MAST2: variants seen among roughly 807,000 people sequenced by gnomAD.
The protein encoded by MAST2 is microtubule-associated serine/threonine-protein kinase 2.
Under a neutral mutation model 147.4 loss-of-function variants are expected in MAST2, and 70 were observed. The observed-to-expected ratio is 0.47, with a 90% CI of 0.39 to 0.58. The LOEUF is 0.58. MAST2 is among the 20% of genes least tolerant of loss of function. The probability of loss-of-function intolerance (pLI) is 0.00; values close to 1 mark genes in which losing one functional copy is unlikely to be tolerated. For missense variants in MAST2, 2,080 were observed against 2,302.3 expected, an observed-to-expected ratio of 0.90 and a Z score of 1.98; for synonymous variants, 869 against 896.8, an observed-to-expected ratio of 0.97 and a Z score of 0.55.
At chr1:45,961,619 C>A (rs1018756988) in intron 5 of MAST2, among the ~76,000 whole-genome samples, 6 of 152,094 alleles carry the variant, frequency 3.9e-5, no homozygotes, top group Non-Finnish European at 8.8e-5. Context: ...TATCTCTTAG[C>A]AAATCACTGC....
chr1:45,921,550 C>T (rs1475286796), intron 4 of MAST2, among the ~76,000 whole-genome samples: 1 of 152,190 alleles, frequency 6.6e-6, no homozygotes, highest in Non-Finnish European at 1.5e-5. Flanking sequence ...CGCAGTCAGG[C>T]ATGCCAACTG....
intron 3 of MAST2, among the ~76,000 whole-genome samples, chr1:45,861,255 G>A (rs892187940): frequency 3.3e-5 from 5 of 152,010 alleles, no homozygotes; most frequent in African/African-American, 1.2e-4. Context: ...GTAAAACTTT[G>A]CCTTTGCATT....
intron 5 of MAST2, among the ~76,000 whole-genome samples, chr1:45,972,545 A>G (rs1643957397): frequency 6.6e-6 from 1 of 152,254 alleles, no homozygotes. Flanking sequence ...CCTTACAGCC[A>G]GTAATCCATC....
chr1:45,937,271 T>C (rs979721263), intron 4 of MAST2, among the ~76,000 whole-genome samples: 3 of 151,778 alleles, frequency 2.0e-5, no homozygotes, highest in Middle Eastern at 3.2e-3. Context: ...ATTTTCATTT[T>C]AAAATTTTAT....
chr1:45,908,584 G>T (rs1426013164), intron 4 of MAST2, among the ~76,000 whole-genome samples: 2 of 152,198 alleles, frequency 1.3e-5, no homozygotes, highest in East Asian at 1.9e-4. Flanking sequence ...AATATTGGAA[G>T]ATTTTATATT....
intron 4 of MAST2, among the ~76,000 whole-genome samples, chr1:45,901,566 C>T (rs948907297): frequency 3.9e-5 from 6 of 152,098 alleles, no homozygotes; most frequent in African/African-American, 1.4e-4. Context: ...ATTAAAATTG[C>T]TTTGGGCAGT....
chr1:45,844,486 G>A (rs1487134828), intron 3 of MAST2, among the ~76,000 whole-genome samples: 1 of 152,072 alleles, frequency 6.6e-6, no homozygotes, highest in Non-Finnish European at 1.5e-5. Context: ...GTTTCACCAT[G>A]TTGGCCAGGC....
intron 3 of MAST2, among the ~76,000 whole-genome samples, chr1:45,863,135 G>T (rs989883159): frequency 4.6e-5 from 7 of 152,010 alleles, no homozygotes; most frequent in African/African-American, 7.2e-5. Flanking sequence ...TTTGAATTTT[G>T]AATCTTTTGT....
At chr1:45,859,936 C>G (rs61783218) in intron 3 of MAST2, among the ~76,000 whole-genome samples, 56 of 152,172 alleles carry the variant, frequency 3.7e-4, no homozygotes, top group African/African-American at 1.3e-3. Context: ...GCTGAATGTT[C>G]TAGTCGGAAG....
intron 11 of MAST2, 26 bp downstream of exon 11, chr1:46,019,723 T>C (rs1449230807): frequency 1.3e-6 from 2 of 1,597,152 alleles, no homozygotes; most frequent in South Asian, 1.1e-5. Context: ...GAAAGTCAGG[T>C]GGGCAGATTT....
At chr1:45,920,994 TTTTG>T (rs908630468) in intron 4 of MAST2, among the ~76,000 whole-genome samples, 2 of 152,054 alleles carry the variant, frequency 1.3e-5, no homozygotes, top group Admixed American at 6.6e-5. Context: ...CTGTGGTGTT[TTTTG>T]TTTGTTTGTT....
At chr1:45,931,841 A>T (rs1451152541) in intron 4 of MAST2, among the ~76,000 whole-genome samples, 2 of 151,958 alleles carry the variant, frequency 1.3e-5, no homozygotes, top group Non-Finnish European at 2.9e-5. Flanking sequence ...GGCATACACT[A>T]CCATGCCTGG....
In MAST2 at chr1:45,924,993, C is replaced by G. The variant is rs147274162; in HGVS notation, c.501-34393C>G. 2.0e-5 allele frequency among the ~76,000 whole-genome samples: 3 copies of G among 152,284 alleles called. No homozygotes were observed. In the East Asian group the frequency reaches 5.8e-4, roughly 29 times the overall value. The stretch of plus-strand genomic sequence containing the variant: ...ATAAATTTCTGTTGGTTAAGTCACC[C>G]AGTTTGTGATACTTGGTTATGTATG... On this transcript the variant is annotated intron_variant, in intron 4 of 28. Transcript: ENST00000361297.
intron 3 of MAST2, among the ~76,000 whole-genome samples, chr1:45,837,548 T>G (rs1645139720): frequency 6.6e-6 from 1 of 152,238 alleles, no homozygotes; most frequent in African/African-American, 2.4e-5. Flanking sequence ...AGTTTTTGCC[T>G]GTTAGAGAGA....
At chr1:45,808,353 C>T (rs966069041) in intron 1 of MAST2, among the ~76,000 whole-genome samples, 3 of 152,102 alleles carry the variant, frequency 2.0e-5, no homozygotes, top group Non-Finnish European at 1.5e-5. Flanking sequence ...GTCTCAGCCT[C>T]CTGAGTAGCG....
At chr1:45,903,069 G>C (rs1227374806) in intron 4 of MAST2, among the ~76,000 whole-genome samples, 1 of 148,064 alleles carries the variant, frequency 6.8e-6, no homozygotes, top group Non-Finnish European at 1.5e-5. Flanking sequence ...ATGATGTTAG[G>C]TTGTTAATTG....
At chr1:45,909,586 C>A (rs903614735) in intron 4 of MAST2, among the ~76,000 whole-genome samples, 4 of 150,950 alleles carry the variant, frequency 2.6e-5, no homozygotes, top group Non-Finnish European at 4.4e-5. Flanking sequence ...GTGGTGTGGT[C>A]AATTCACTGC....
At chr1:45,912,819 T>C (rs1651883984) in intron 4 of MAST2, among the ~76,000 whole-genome samples, 1 of 152,206 alleles carries the variant, frequency 6.6e-6, no homozygotes, top group African/African-American at 2.4e-5. Flanking sequence ...GGGAGATTGC[T>C]CCAAGAGGGC....
intron 4 of MAST2, among the ~76,000 whole-genome samples, chr1:45,936,245 G>A (rs1656173233): frequency 6.6e-6 from 1 of 152,162 alleles, no homozygotes; most frequent in African/African-American, 2.4e-5. Context: ...TGTTGATTTT[G>A]TATCCTGAAA....
Sources: gnomAD v4.1 joint callset for allele counts (sites outside exome capture counted in the v4.1 genomes callset) on GRCh38, gnomAD v4.1.1 for gene constraint, MANE v1.5 for transcripts, NCBI Gene and HGNC (gene_info 2026-07-23, HGNC 2026-07-21) for gene names.